TMPRSS15: variants seen among roughly 807,000 people sequenced by gnomAD.
TMPRSS15 encodes the protein enteropeptidase.
Under a neutral mutation model 125.3 loss-of-function variants are expected in TMPRSS15, and 128 were observed. That is an observed-to-expected ratio of 1.02 (90% CI 0.89 to 1.18). TMPRSS15 has a LOEUF of 1.18. TMPRSS15 is among the 50% of genes most tolerant of loss of function. The probability of loss-of-function intolerance (pLI) is 0.00; values close to 1 mark genes in which losing one functional copy is unlikely to be tolerated. For missense variants in TMPRSS15, 1,283 were observed against 1,212.7 expected, an observed-to-expected ratio of 1.06 and a Z score of -0.86; for synonymous variants, 446 against 423.2, an observed-to-expected ratio of 1.05 and a Z score of -0.66.
chr21:18,282,189 A>G (rs1052517054), intron 21 of TMPRSS15, among the ~76,000 whole-genome samples: 45 of 151,826 alleles, frequency 3.0e-4, no homozygotes, highest in Non-Finnish European at 5.6e-4. Flanking sequence ...ATCTCCATAT[A>G]CAATGTTGGC....
At chr21:18,413,363 T>TTC (rs1569064084) in intron 1 of TMPRSS15, among the ~76,000 whole-genome samples, 34 of 117,120 alleles carry the variant, frequency 2.9e-4, no homozygotes, top group African/African-American at 9.0e-4. Flanking sequence ...TTCCTTCCTT[T>TTC]CCTTCCTTCC....
rs776218251 is a variant in TMPRSS15, at chr21:18,294,357, A to T, written c.2399T>A (p.Val800Glu). Residue 800 changes from valine to glutamate, a missense_variant, in exon 21 of 25, where the codon GTG (valine) becomes GAG (glutamate). Physicochemically the swap from Val to Glu is moderately radical, Grantham distance 121. Transcript: ENST00000284885. Reference sequence around the variant, plus strand: ...CAGTCGGCCGCCATAATACAGACCCACAACCCAGGGCCAGGCCCCTTCTTT... The same window carrying T: ...CAGTCGGCCGCCATAATACAGACCCTCAACCCAGGGCCAGGCCCCTTCTTT... Reference protein sequence around the residue: ...NAKEGAWPWVVGLYYGGRLLC... With the variant: ...NAKEGAWPWVEGLYYGGRLLC... 1 of 1,614,232 alleles carries T rather than the reference A, an allele frequency of 6.2e-7. No homozygotes were observed. Among genetic ancestry groups the T allele is most frequent in the Non-Finnish European group, 8.5e-7 (1 of 1,180,038 alleles).
intron 12 of TMPRSS15, 115 bp downstream of exon 12, chr21:18,343,387 TAGAG>T: frequency 1.1e-6 from 1 of 941,588 alleles, no homozygotes; most frequent in Non-Finnish European, 1.6e-6. Context: ...ATTGGGCAAG[TAGAG>T]AAAGTGACTT....
At chr21:18,363,225 TA>T (rs1177592255) in intron 7 of TMPRSS15, among the ~76,000 whole-genome samples, 1 of 152,142 alleles carries the variant, frequency 6.6e-6, no homozygotes, top group African/African-American at 2.4e-5. Context: ...CATTTTAGCA[TA>T]AAGTACACTG....
At chr21:18,323,490 T>C (rs1246806419) in intron 16 of TMPRSS15, among the ~76,000 whole-genome samples, 1 of 152,048 alleles carries the variant, frequency 6.6e-6, no homozygotes, top group Non-Finnish European at 1.5e-5. Context: ...CATTACTCAA[T>C]TACCTCCCAC....
chr21:18,350,101 A>T (rs577481188), intron 10 of TMPRSS15, among the ~76,000 whole-genome samples: 8 of 152,168 alleles, frequency 5.3e-5, no homozygotes, highest in Non-Finnish European at 8.8e-5. Flanking sequence ...AAAGAGAAAA[A>T]AAAAGATCAG....
chr21:18,326,865 T>C (rs2075297257), intron 15 of TMPRSS15, among the ~76,000 whole-genome samples: 1 of 152,246 alleles, frequency 6.6e-6, no homozygotes, highest in Admixed American at 6.5e-5. Flanking sequence ...AAAGCTCATG[T>C]TATCCCAGAC....
At chr21:18,317,618 G>A (rs1416967235) in intron 16 of TMPRSS15, among the ~76,000 whole-genome samples, 3 of 152,058 alleles carry the variant, frequency 2.0e-5, no homozygotes, top group Non-Finnish European at 4.4e-5. Context: ...ACTAGTGTAA[G>A]GGCTTTCAGA....
intron 10 of TMPRSS15, among the ~76,000 whole-genome samples, chr21:18,350,074 T>A (rs112412642): frequency 1.8e-4 from 27 of 151,974 alleles, no homozygotes; most frequent in African/African-American, 5.8e-4. Context: ...TGGTAGAAAC[T>A]TTTTTTTAAT....
intron 16 of TMPRSS15, 137 bp downstream of exon 16, chr21:18,326,295 C>A (rs2075289645): frequency 3.8e-6 from 5 of 1,306,100 alleles, no homozygotes; most frequent in Admixed American, 3.4e-5. Context: ...GAGGAAAAAT[C>A]ATCTTCATTA....
Position 18,322,826 on chromosome 21 carries a change from A to G in TMPRSS15, c.1921+3606T>C, listed in dbSNP as rs149870365. Among the ~76,000 whole-genome samples, 1,054 of 152,364 alleles carry G rather than the reference A, an allele frequency of 6.9e-3. 18 individuals carry two copies. Among genetic ancestry groups the G allele is most frequent in the African/African-American group, 0.024 (982 of 41,586 alleles). On this transcript the variant is annotated intron_variant, in intron 16 of 24. Coordinates refer to ENST00000284885, the MANE Select transcript of TMPRSS15 (RefSeq NM_002772.3). ...TGTTTGGTAACACAATAAAATGACT[A>G]TAGTTAACAATAATTTATGGTACAT...
intron 10 of TMPRSS15, among the ~76,000 whole-genome samples, chr21:18,348,833 A>T (rs2075535620): frequency 6.6e-6 from 1 of 152,238 alleles, no homozygotes; most frequent in African/African-American, 2.4e-5. Flanking sequence ...AAAAGAAAGT[A>T]GTTATAATAC....
chr21:18,453,984 G>A (rs1019055300), intron 1 of TMPRSS15, among the ~76,000 whole-genome samples: 6 of 152,082 alleles, frequency 3.9e-5, no homozygotes, highest in African/African-American at 1.2e-4. Flanking sequence ...ATTTGCCAGG[G>A]GCTAAGGGTA....
intron 8 of TMPRSS15, 74 bp downstream of exon 8, chr21:18,359,683 G>A (rs1293646297): frequency 8.4e-6 from 6 of 712,632 alleles, no homozygotes; most frequent in South Asian, 4.7e-5. Flanking sequence ...AAATCAAAGG[G>A]AAAACATACC....
chr21:18,365,134 T>C lies in TMPRSS15; in HGVS notation c.773+6A>G, dbSNP rs1194866945. The C allele has an allele frequency of 1.2e-6, 2 of 1,608,102 alleles. No homozygotes were observed. Among genetic ancestry groups the C allele is most frequent in the Non-Finnish European group, 1.7e-6 (2 of 1,174,638 alleles). On this transcript the variant is annotated splice_donor_region_variant and intron_variant, in intron 7 of 24. Coordinates refer to ENST00000284885, the MANE Select transcript of TMPRSS15 (RefSeq NM_002772.3). ...TAAGAACAGAAAATATAAGATCTTG[T>C]ATTACCGTATGATCCACTGGCAGAC...
chr21:18,313,503 T>G (rs1601318911), intron 17 of TMPRSS15, among the ~76,000 whole-genome samples: 2 of 151,426 alleles, frequency 1.3e-5, no homozygotes, highest in Non-Finnish European at 2.9e-5. Flanking sequence ...TACAGCAAAT[T>G]TTTTGGAAAA....
intron 8 of TMPRSS15, among the ~76,000 whole-genome samples, chr21:18,354,600 G>A (rs1645744485): frequency 6.6e-6 from 1 of 151,502 alleles, no homozygotes; most frequent in South Asian, 2.1e-4. Context: ...TTTTGAGGGA[G>A]AAAAACAGTT....
At chr21:18,371,048 A>G (rs1175715284) in intron 6 of TMPRSS15, among the ~76,000 whole-genome samples, 1 of 152,164 alleles carries the variant, frequency 6.6e-6, no homozygotes, top group African/African-American at 2.4e-5. Flanking sequence ...AATATCAGTT[A>G]GACTTATCCA....
chr21:18,465,859 G>A (rs1209228071), intron 1 of TMPRSS15, among the ~76,000 whole-genome samples: 2 of 152,122 alleles, frequency 1.3e-5, no homozygotes, highest in African/African-American at 2.4e-5. Context: ...TACATGCAAT[G>A]CTATTCCCAT....
Sources: allele counts gnomAD v4.1 joint callset (sites outside exome capture counted in the v4.1 genomes callset), GRCh38; gene constraint gnomAD v4.1.1; transcripts MANE v1.5; gene names NCBI Gene and HGNC (gene_info 2026-07-23, HGNC 2026-07-21).